The following SPMIP2 variants were observed in gnomAD, a reference collection of about 807,000 sequenced individuals.
SPMIP2 encodes sperm microtubule inner protein 2, also known as protein SPMIP2.
chr4:158,957,540 C>T, the SPMIP2 span, among the ~76,000 whole-genome samples: 3 of 152,196 alleles, frequency 2.0e-5, no homozygotes, highest in African/African-American at 7.2e-5. Flanking sequence ...GATTCTCTTG[C>T]CTCAGCCTCC....
the SPMIP2 span, chr4:159,007,465 G>C: frequency 1.4e-6 from 1 of 698,564 alleles, no homozygotes; most frequent in South Asian, 1.3e-5. Flanking sequence ...GTCTCAAAGA[G>C]AAATGCATTC....
chr4:158,943,607 A>G, the SPMIP2 span, among the ~76,000 whole-genome samples: 1 of 152,136 alleles, frequency 6.6e-6, no homozygotes, highest in African/African-American at 2.4e-5. Flanking sequence ...GACTCCATGG[A>G]GAACAAGGCC....
At chr4:159,062,697 G>GTCTCTCTCTTTCTCTCTCTC in the SPMIP2 span, among the ~76,000 whole-genome samples, 3 of 95,112 alleles carry the variant, frequency 3.2e-5, no homozygotes, top group Admixed American at 1.2e-4. Flanking sequence ...TTGAAACAGG[G>GTCTCTCTCTTTCTCTCTCTC]TCTCTCTCTC....
the SPMIP2 span, chr4:158,960,455 A>C: frequency 1.3e-5 from 8 of 607,030 alleles, no homozygotes; most frequent in African/African-American, 1.3e-4. Flanking sequence ...ATGAAATAGA[A>C]AATGCTAAAT....
At chr4:158,925,505 T>C in the SPMIP2 span, among the ~76,000 whole-genome samples, 1 of 152,186 alleles carries the variant, frequency 6.6e-6, no homozygotes, top group Non-Finnish European at 1.5e-5. Flanking sequence ...AATTTTTCCA[T>C]GGACGAAGAG....
At chr4:158,912,861 G>A in the SPMIP2 span, among the ~76,000 whole-genome samples, 1 of 152,324 alleles carries the variant, frequency 6.6e-6, no homozygotes, top group Non-Finnish European at 1.5e-5. Flanking sequence ...TTTCTGGAAT[G>A]GAAGGGGTAT....
chr4:159,060,058 C>T, the SPMIP2 span, among the ~76,000 whole-genome samples: 1 of 152,198 alleles, frequency 6.6e-6, no homozygotes, highest in Non-Finnish European at 1.5e-5. Flanking sequence ...GGACTCCTGG[C>T]ATACCTGACT....
At chr4:158,972,005 G>T in the SPMIP2 span, among the ~76,000 whole-genome samples, 1 of 152,188 alleles carries the variant, frequency 6.6e-6, no homozygotes, top group Non-Finnish European at 1.5e-5. Flanking sequence ...ACCTAAATCA[G>T]AGTGTAACCT....
chr4:159,061,026 A>C, the SPMIP2 span, among the ~76,000 whole-genome samples: 12 of 151,576 alleles, frequency 7.9e-5, no homozygotes, highest in African/African-American at 2.9e-4. Flanking sequence ...TCAAGGCTGC[A>C]GTGAGCTAAG....
the SPMIP2 span, among the ~76,000 whole-genome samples, chr4:159,068,661 T>A: frequency 1.4e-5 from 2 of 142,656 alleles, no homozygotes; most frequent in African/African-American, 5.2e-5. Flanking sequence ...AAAGTATAAT[T>A]AAAAAATAAA....
the SPMIP2 span, among the ~76,000 whole-genome samples, chr4:158,935,573 GTGTC>G: frequency 6.6e-6 from 1 of 152,172 alleles, no homozygotes; most frequent in East Asian, 1.9e-4. Flanking sequence ...CAAAAAAAAA[GTGTC>G]TGTCTCTGGT....
At chr4:159,056,741 T>C in the SPMIP2 span, among the ~76,000 whole-genome samples, 13 of 151,800 alleles carry the variant, frequency 8.6e-5, no homozygotes, top group African/African-American at 3.2e-4. Context: ...ATAGGGAAAA[T>C]AGAATGAGCA....
chr4:159,077,148 C>CT, the SPMIP2 span, among the ~76,000 whole-genome samples: 617 of 149,086 alleles, frequency 4.1e-3, 2 homozygotes, highest in African/African-American at 0.014. Context: ...AACAGATTTT[C>CT]TTTTTTTTTG....
chr4:159,046,901 C>G, the SPMIP2 span, among the ~76,000 whole-genome samples: 1 of 152,186 alleles, frequency 6.6e-6, no homozygotes, highest in Non-Finnish European at 1.5e-5. Context: ...CTGCTTCAGC[C>G]TGTTAAGCAT....
the SPMIP2 span, among the ~76,000 whole-genome samples, chr4:158,976,290 C>T: frequency 1.5e-4 from 23 of 152,260 alleles, no homozygotes; most frequent in Non-Finnish European, 1.6e-4. Context: ...CTTTCTCTTG[C>T]CTGATTGACC....
chr4:158,962,234 A>C, the SPMIP2 span, among the ~76,000 whole-genome samples: 2 of 152,186 alleles, frequency 1.3e-5, no homozygotes, highest in African/African-American at 2.4e-5. Context: ...TCATTGCTTA[A>C]GACTTTCACT....
At chr4:158,955,493 C>A in the SPMIP2 span, among the ~76,000 whole-genome samples, 2 of 152,186 alleles carry the variant, frequency 1.3e-5, no homozygotes. Context: ...CAACCTCCAC[C>A]TCCGGGGTTC....
chr4:158,896,809 T>C, the SPMIP2 span, among the ~76,000 whole-genome samples: 2 of 150,658 alleles, frequency 1.3e-5, no homozygotes, highest in Non-Finnish European at 3.0e-5. Context: ...TATATCTCTC[T>C]ACCAGCCTCA....
chr4:159,071,343 C>T, the SPMIP2 span, among the ~76,000 whole-genome samples: 1 of 152,104 alleles, frequency 6.6e-6, no homozygotes, highest in East Asian at 1.9e-4. Flanking sequence ...TGTGTGGTTT[C>T]TGGTATCTCA....
Sources: gnomAD v4.1 joint callset for allele counts (sites outside exome capture counted in the v4.1 genomes callset) on GRCh38, gnomAD v4.1.1 for gene constraint, MANE v1.5 for transcripts, NCBI Gene and HGNC (gene_info 2026-07-23, HGNC 2026-07-21) for gene names.